Variants in VOPP1 observed in about 807,000 individuals in gnomAD.
VOPP1 encodes VOPP1 WW domain binding protein.
Under a neutral mutation model 23.5 loss-of-function variants are expected in VOPP1, and 8 were observed. That is an observed-to-expected ratio of 0.34 (90% CI 0.20 to 0.61). The LOEUF is 0.61. Among genes scored for constraint, VOPP1 ranks in the 20% least tolerant of loss-of-function variants. The pLI is 0.78. For synonymous variants in VOPP1, 83 were observed against 97.3 expected, an observed-to-expected ratio of 0.85 and a Z score of 0.86; for missense variants, 174 against 238.1, an observed-to-expected ratio of 0.73 and a Z score of 1.77.
At chr7:55,444,120 G>T (rs996178128) in intron 4 of VOPP1, among the ~76,000 whole-genome samples, 1 of 152,036 alleles carries the variant, frequency 6.6e-6, no homozygotes, top group Non-Finnish European at 1.5e-5. Context: ...GACAGCTGCC[G>T]TACCCGGCCG....
chr7:55,536,753 G>A (rs936225015), intron 1 of VOPP1, among the ~76,000 whole-genome samples: 1 of 152,166 alleles, frequency 6.6e-6, no homozygotes. Flanking sequence ...GCCCAGGCAC[G>A]GAGCGTGACC....
chr7:55,535,975 G>A (rs985084831), intron 1 of VOPP1, among the ~76,000 whole-genome samples: 7 of 152,188 alleles, frequency 4.6e-5, no homozygotes, highest in African/African-American at 1.7e-4. Flanking sequence ...CACACTCTGT[G>A]CCAAGCAAGG....
At chr7:55,458,526 T>C (rs1791423060) in intron 4 of VOPP1, among the ~76,000 whole-genome samples, 1 of 152,186 alleles carries the variant, frequency 6.6e-6, no homozygotes, top group South Asian at 2.1e-4. Flanking sequence ...TTTAATGATA[T>C]TAATTCTTCT....
In VOPP1 at chr7:55,538,562, A is replaced by G. The variant is rs1796944794; in HGVS notation, c.55-17432T>C. 49 of 1,507,082 alleles carry G rather than the reference A, an allele frequency of 3.3e-5. 1 individual carries two copies. In the South Asian group the frequency reaches 5.3e-4, roughly 16 times the overall value. The allele number at this position is 1,507,082 out of a possible 1,614,324, so 93.4% of individuals were successfully genotyped here. On this transcript the variant is annotated intron_variant, in intron 1 of 4. Transcript: ENST00000285279. ...CCACAGTCCAACTGAGGATCACTGT[A>G]AACTGCTTTACATGGTTTAATAACA...
chr7:55,511,950 A>G (rs935118236), intron 2 of VOPP1, among the ~76,000 whole-genome samples: 1 of 152,222 alleles, frequency 6.6e-6, no homozygotes, highest in Non-Finnish European at 1.5e-5. Flanking sequence ...TACTGGGTTT[A>G]TAAGAATTAC....
intron 2 of VOPP1, among the ~76,000 whole-genome samples, chr7:55,518,487 G>A (rs1795620767): frequency 6.6e-6 from 1 of 152,220 alleles, no homozygotes; most frequent in African/African-American, 2.4e-5. Flanking sequence ...CCGCGTGGTG[G>A]TTTGCTGGTG....
At chr7:55,441,155 C>T (rs954428209) in intron 4 of VOPP1, among the ~76,000 whole-genome samples, 1 of 152,222 alleles carries the variant, frequency 6.6e-6, no homozygotes, top group African/African-American at 2.4e-5. Flanking sequence ...GAGCCGCCCG[C>T]TCTGCAGATG....
intron 4 of VOPP1, among the ~76,000 whole-genome samples, chr7:55,453,736 T>C (rs1329761838): frequency 2.0e-5 from 3 of 152,152 alleles, no homozygotes; most frequent in East Asian, 1.9e-4. Flanking sequence ...AAATGAGACA[T>C]AGAGATAAAA....
chr7:55,436,589 G>A (rs1790827478), intron 4 of VOPP1, among the ~76,000 whole-genome samples: 2 of 149,494 alleles, frequency 1.3e-5, no homozygotes, highest in African/African-American at 4.8e-5. Context: ...TGGGCTTTCA[G>A]ACAATTGTGC....
In VOPP1 at chr7:55,473,468, C is replaced by T. The variant is rs1039509790; in HGVS notation, c.329-423G>A. Among the ~76,000 whole-genome samples the T allele has an allele frequency of 1.5e-4, 23 of 152,214 alleles. 1 individual carries two copies. Among genetic ancestry groups the T allele is most frequent in the Admixed American group, 1.1e-3 (17 of 15,290 alleles). On this transcript the variant is annotated intron_variant, in intron 4 of 4. Transcript: ENST00000285279. ...GAAGTAAGGTCTCCATTCTCCCTGC[C>T]GGGCTAGTGTGCCCTCAGGGCAGGA... is the stretch of plus-strand genomic sequence containing the variant.
At chr7:55,493,908 A>C (rs1793759694) in intron 3 of VOPP1, among the ~76,000 whole-genome samples, 1 of 152,234 alleles carries the variant, frequency 6.6e-6, no homozygotes, top group African/African-American at 2.4e-5. Context: ...GGTTTGAACA[A>C]GGGTATCTGT....
chr7:55,435,796 G>C (rs1006734067), downstream of VOPP1, among the ~76,000 whole-genome samples: 2 of 152,208 alleles, frequency 1.3e-5, no homozygotes, highest in Non-Finnish European at 2.9e-5. Context: ...TGGGAAGCTC[G>C]GTTCTTCTGC....
At chr7:55,453,650 A>T (rs1178581513) in intron 4 of VOPP1, among the ~76,000 whole-genome samples, 2 of 152,252 alleles carry the variant, frequency 1.3e-5, no homozygotes, top group Non-Finnish European at 2.9e-5. Context: ...CAACACTAAC[A>T]TCAAATATCA....
rs914532362 is a variant in VOPP1, at chr7:55,485,011, A to C, written c.328+7271T>G. On this transcript the variant is annotated intron_variant, in intron 4 of 4. Coordinates refer to ENST00000285279, the MANE Select transcript of VOPP1 (RefSeq NM_030796.5). ...ACAACAAAACCAGCACTGCTCCCAG[A>C]AACATAATTACTGGAAACATTTTAA... Among the ~76,000 whole-genome samples, 3 of 152,244 alleles carry C rather than the reference A, an allele frequency of 2.0e-5. No individual in the cohort carries two copies. In the South Asian group the frequency reaches 6.2e-4, roughly 31 times the overall value.
chr7:55,479,982 G>T (rs114314747), intron 4 of VOPP1, among the ~76,000 whole-genome samples: 1 of 152,140 alleles, frequency 6.6e-6, no homozygotes, highest in East Asian at 1.9e-4. Context: ...TGTTAATTGC[G>T]TGCCTAAAAT....
At chr7:55,504,853 A>G (rs1794606118) in intron 2 of VOPP1, among the ~76,000 whole-genome samples, 1 of 152,216 alleles carries the variant, frequency 6.6e-6, no homozygotes, top group African/African-American at 2.4e-5. Flanking sequence ...CACTTATTGG[A>G]GCTTCAGGCA....
intron 2 of VOPP1, among the ~76,000 whole-genome samples, chr7:55,501,851 A>G (rs2129028480): frequency 6.6e-6 from 1 of 151,666 alleles, no homozygotes; most frequent in African/African-American, 2.4e-5. Flanking sequence ...TTGCTCCACC[A>G]CCCTCTGCCA....
At chr7:55,508,525 A>G (rs1387462788) in intron 2 of VOPP1, among the ~76,000 whole-genome samples, 1 of 152,230 alleles carries the variant, frequency 6.6e-6, no homozygotes, top group Non-Finnish European at 1.5e-5. Context: ...CCTTAGCCCA[A>G]AAGTGTTGGG....
chr7:55,465,915 TG>T (rs1206130118), downstream of VOPP1, among the ~76,000 whole-genome samples: 11 of 152,220 alleles, frequency 7.2e-5, no homozygotes, highest in African/African-American at 2.4e-4. Context: ...AGAACCGCTA[TG>T]GACTGAATGT....
Sources: allele counts gnomAD v4.1 joint callset (sites outside exome capture counted in the v4.1 genomes callset), GRCh38; gene constraint gnomAD v4.1.1; transcripts MANE v1.5; gene names NCBI Gene and HGNC (gene_info 2026-07-23, HGNC 2026-07-21).